Variants in SLC44A1 observed in about 807,000 individuals in gnomAD.
SLC44A1 encodes the protein solute carrier family 44 member 1, also known as choline transporter-like protein 1.
Under a neutral mutation model 79.3 loss-of-function variants are expected in SLC44A1, and 26 were observed. The ratio of observed to expected loss-of-function variants is 0.33; its 90% CI spans 0.24 to 0.46. The LOEUF (loss-of-function observed/expected upper bound fraction) is 0.46, where lower values mean the gene tolerates loss of function less well. Among genes scored for constraint, SLC44A1 ranks in the 20% least tolerant of loss-of-function variants. The probability of loss-of-function intolerance (pLI) is 1.00; values close to 1 mark genes in which losing one functional copy is unlikely to be tolerated. For missense variants in SLC44A1, 688 were observed against 798.1 expected, an observed-to-expected ratio of 0.86 and a Z score of 1.66; for synonymous variants, 263 against 286.2, an observed-to-expected ratio of 0.92 and a Z score of 0.82.
intron 15 of SLC44A1, among the ~76,000 whole-genome samples, chr9:105,405,711 G>T (rs1022008867): frequency 6.6e-6 from 1 of 152,114 alleles, no homozygotes; most frequent in Non-Finnish European, 1.5e-5. Context: ...CAACTCAGGG[G>T]TTTATCTTTG....
chr9:105,259,062 A>G (rs976618132), intron 1 of SLC44A1, among the ~76,000 whole-genome samples: 2 of 152,262 alleles, frequency 1.3e-5, no homozygotes, highest in African/African-American at 4.8e-5. Flanking sequence ...CTCAAACTAT[A>G]GAGGCCAGGG....
chr9:105,302,378 G>C (rs1379062635), intron 2 of SLC44A1, among the ~76,000 whole-genome samples: 1 of 151,260 alleles, frequency 6.6e-6, no homozygotes, highest in Non-Finnish European at 1.5e-5. Flanking sequence ...TTTTGAGACA[G>C]AGTCTTGCTC....
chr9:105,372,569 C>T (rs937541412), intron 12 of SLC44A1, among the ~76,000 whole-genome samples: 2 of 151,816 alleles, frequency 1.3e-5, no homozygotes, highest in African/African-American at 4.8e-5. Flanking sequence ...GGATTACAAG[C>T]GTGAGCCACC....
At chr9:105,414,748 G>A (rs1383123913) in intron 15 of SLC44A1, among the ~76,000 whole-genome samples, 1 of 151,986 alleles carries the variant, frequency 6.6e-6, no homozygotes, top group East Asian at 1.9e-4. Context: ...AGTACGTGAT[G>A]AACACACCTG....
At chr9:105,334,956 G>A (rs1327301108) in intron 3 of SLC44A1, among the ~76,000 whole-genome samples, 2 of 152,146 alleles carry the variant, frequency 1.3e-5, no homozygotes, top group African/African-American at 4.8e-5. Context: ...TGCGGATTCT[G>A]AAAGGTAAAA....
chr9:105,334,807 A>G (rs1433742818), intron 3 of SLC44A1, among the ~76,000 whole-genome samples: 1 of 152,184 alleles, frequency 6.6e-6, no homozygotes, highest in African/African-American at 2.4e-5. Flanking sequence ...CTAAAATACA[A>G]GTATACAGGA....
chr9:105,289,802 G>GT (rs201873898), intron 1 of SLC44A1, among the ~76,000 whole-genome samples: 36 of 143,938 alleles, frequency 2.5e-4, no homozygotes, highest in East Asian at 8.0e-4. Flanking sequence ...AGTTCTCAGT[G>GT]TTTTTTTTTG....
Position 105,364,658 on chromosome 9 carries a change from A to T in SLC44A1, c.1191A>T (p.Glu397Asp). Residue 397 changes from glutamate (E) to aspartate (D), a missense_variant, in exon 10 of 16, where the codon GAA becomes GAT. By Grantham distance (45) the Glu-to-Asp change is conservative. Coordinates refer to ENST00000374720, the MANE Select transcript of SLC44A1 (RefSeq NM_080546.5). ...YHVVGLIWIS[E>D]FILACQQMTV... is the part of the protein sequence containing the mutation. ...TGGTGGGCCTGATTTGGATCAGTGAATTTATTCTAGCATGTCAGCAGATGA... is the reference window on the plus strand; with the variant it reads ...TGGTGGGCCTGATTTGGATCAGTGATTTTATTCTAGCATGTCAGCAGATGA... The T allele has an allele frequency of 6.2e-7, 1 of 1,614,090 alleles. No homozygotes were observed. The highest frequency in any genetic ancestry group is 1.3e-5 in the African/African-American group (1 of 75,022).
At position 105,394,316 on chromosome 9, in the gene SLC44A1, G is replaced by A; in HGVS notation, c.*5260G>A. 3 of 985,238 alleles carry A rather than the reference G, an allele frequency of 3.0e-6. No individual in the cohort carries two copies. The highest frequency in any genetic ancestry group is 3.6e-6 in the Non-Finnish European group (3 of 829,892). 61.0% of individuals were successfully genotyped at this position (985,238 alleles called of 1,614,324 possible). A position where few individuals can be genotyped will look rare whatever the true frequency, so the allele number is the denominator to read the frequency against. The stretch of plus-strand genomic sequence containing the variant: ...AAGACTTTATGTAATTTAGTAGCAG[G>A]TTAGGGAATAGAAACCACACTAATC... On this transcript the variant is annotated 3_prime_UTR_variant, in exon 16 of 16. Transcript: ENST00000374720.
intron 2 of SLC44A1, among the ~76,000 whole-genome samples, chr9:105,306,087 CTCTTCTCTCTCT>C (rs1831023791): frequency 6.6e-6 from 1 of 152,090 alleles, no homozygotes; most frequent in Non-Finnish European, 1.5e-5. Context: ...TTGTCTGTTC[CTCTTCTCTCTCT>C]TAAAATAGCA....
At chr9:105,363,568 G>A (rs561141794) in intron 9 of SLC44A1, among the ~76,000 whole-genome samples, 49 of 151,486 alleles carry the variant, frequency 3.2e-4, no homozygotes, top group South Asian at 4.2e-4. Context: ...AGGTTTAAGC[G>A]ATTCTCCTGC....
chr9:105,312,753 T>C (rs1166719947), intron 3 of SLC44A1, among the ~76,000 whole-genome samples: 5 of 152,202 alleles, frequency 3.3e-5, no homozygotes, highest in Non-Finnish European at 5.9e-5. Context: ...TGCATGTCTT[T>C]GATTATTAAT....
chr9:105,359,746 AT>A (rs1200834452), intron 7 of SLC44A1, among the ~76,000 whole-genome samples: 1 of 151,948 alleles, frequency 6.6e-6, no homozygotes, highest in Non-Finnish European at 1.5e-5. Context: ...TTTCCAGACA[AT>A]TTTCTTGTGC....
At chr9:105,438,417 A>G (rs1299784164) in exon 16 of SLC44A1, 3 of 794,866 alleles carry the variant, frequency 3.8e-6, no homozygotes, top group Non-Finnish European at 6.1e-6. Flanking sequence ...CAATGAAAGC[A>G]TGTAACAAGT....
chr9:105,355,365 G>A (rs1036223925), intron 5 of SLC44A1, among the ~76,000 whole-genome samples: 2 of 152,166 alleles, frequency 1.3e-5, no homozygotes, highest in Non-Finnish European at 2.9e-5. Context: ...TAATATAAAT[G>A]ACTAAGTAAT....
chr9:105,285,063 A>T (rs1435115841), intron 1 of SLC44A1, among the ~76,000 whole-genome samples: 1 of 152,174 alleles, frequency 6.6e-6, no homozygotes, highest in Non-Finnish European at 1.5e-5. Context: ...AGGTTCATTC[A>T]TGTTGTAGCA....
At chr9:105,402,896 C>G (rs565964973) in intron 15 of SLC44A1, among the ~76,000 whole-genome samples, 32 of 150,696 alleles carry the variant, frequency 2.1e-4, no homozygotes, top group African/African-American at 7.5e-4. Flanking sequence ...ACTGCAGCCT[C>G]AAACTCCATA....
chr9:105,398,219 G>T (rs1472198398), downstream of SLC44A1, among the ~76,000 whole-genome samples: 1 of 152,192 alleles, frequency 6.6e-6, no homozygotes, highest in African/African-American at 2.4e-5. Context: ...TTAAGTGGAA[G>T]ACCTTTTGGA....
chr9:105,260,192 A>G (rs1257739684), intron 1 of SLC44A1, among the ~76,000 whole-genome samples: 1 of 152,184 alleles, frequency 6.6e-6, no homozygotes, highest in Non-Finnish European at 1.5e-5. Context: ...TGCTCACTTC[A>G]TACCACCCCC....
Sources: allele counts gnomAD v4.1 joint callset (sites outside exome capture counted in the v4.1 genomes callset), GRCh38; gene constraint gnomAD v4.1.1; transcripts MANE v1.5; gene names NCBI Gene and HGNC (gene_info 2026-07-23, HGNC 2026-07-21).